Variants in UBLCP1 observed in about 807,000 individuals in gnomAD.
UBLCP1 encodes the protein ubiquitin like domain containing CTD phosphatase 1.
Under a neutral mutation model 42.4 loss-of-function variants are expected in UBLCP1, and 28 were observed. The observed-to-expected ratio is 0.66, with a 90% CI of 0.49 to 0.90. UBLCP1 has a LOEUF of 0.90. Ranked by LOEUF, UBLCP1 falls within the 40% of genes least tolerant of loss-of-function variation. The pLI is 0.00. For missense variants in UBLCP1, 279 were observed against 374.5 expected (o/e 0.75, Z 2.10); for synonymous variants, 122 against 120.8 (o/e 1.01, Z -0.07).
At chr5:159,282,798 T>A (rs1034872418) in intron 9 of UBLCP1, among the ~76,000 whole-genome samples, 2 of 152,032 alleles carry the variant, frequency 1.3e-5, no homozygotes, top group Admixed American at 1.3e-4. Context: ...AAAATAAAAA[T>A]CATCGTTAAA....
rs1753564547 is a variant in UBLCP1, at chr5:159,278,440, T to C, written c.801+86T>C. 1.9e-5 allele frequency: 18 copies of C among 925,178 alleles called. 1 individual carries two copies. In the South Asian group the frequency reaches 2.3e-4, roughly 12 times the overall value. 57.3% of individuals were successfully genotyped at this position (925,178 alleles called of 1,614,324 possible). ...GTAGTAAGCACTGTTGAATTTCATA[T>C]ATTTTTGGAAGTACTGTATTCTTAT... On this transcript the variant is annotated intron_variant, in intron 9 of 10. Transcript: ENST00000296786.
rs70987962 is a variant in UBLCP1 at position 159,285,196 on chromosome 5, CCACACA to C, written c.*308_*313del. ...GGTTACTGACCACCCCACCCTCCCA[CCACACA>C]CACACACACACACACACACACACAC... is the stretch of plus-strand genomic sequence containing the variant. On this transcript the variant is annotated 3_prime_UTR_variant, in exon 11 of 11. Coordinates refer to ENST00000296786, the MANE Select transcript of UBLCP1 (RefSeq NM_145049.5). 9.2e-3 allele frequency: 2,327 copies of C among 251,940 alleles called. 56 individuals carry two copies. The highest frequency in any genetic ancestry group is 0.052 in the African/African-American group (1,612 of 30,738). The allele number at this position is 251,940 out of a possible 1,614,324, so 15.6% of individuals were successfully genotyped here.
intron 5 of UBLCP1, among the ~76,000 whole-genome samples, chr5:159,271,335 A>T (rs1322971058): frequency 6.6e-6 from 1 of 151,966 alleles, no homozygotes; most frequent in African/African-American, 2.4e-5. Flanking sequence ...GGTGGTATGC[A>T]CCTAGTCCCA....
chr5:159,275,438 A>C (rs935076394), intron 8 of UBLCP1, 192 bp downstream of exon 8: 19 of 325,862 alleles, frequency 5.8e-5, no homozygotes, highest in Non-Finnish European at 9.2e-5. Flanking sequence ...TTTGAGATGG[A>C]GTCTCATTGT....
At position 159,283,270 on chromosome 5, in the gene UBLCP1, T is replaced by G; in HGVS notation, c.860T>G (p.Leu287Ter). The stretch of plus-strand genomic sequence containing the variant: ...GATAAAGACAAAGAACTTTTAAAAT[T>G]AACTCAGTACCTCAAGGAGATAGCA... ...NRDKDKELLK[L>*]TQYLKEIAKL... Residue 287 changes from leucine to a stop codon, truncating the protein, a stop_gained, in exon 10 of 11, where the codon TTA (leucine) becomes TGA (stop). Transcript: ENST00000296786. LOFTEE classifies it high-confidence loss of function. 6.2e-7 allele frequency: 1 copy of G among 1,607,298 alleles called. No homozygotes were observed. The highest frequency in any genetic ancestry group is 8.5e-7 in the Non-Finnish European group (1 of 1,177,332).
chr5:159,268,801 A>G, intron 1 of UBLCP1, 69 bp from the exon 2 acceptor site: 1 of 1,211,780 alleles, frequency 8.3e-7, no homozygotes, highest in Non-Finnish European at 1.1e-6. Context: ...CTGTACACAT[A>G]AAACTTAAAA....
At position 159,263,307 on chromosome 5, in the gene UBLCP1, G is replaced by C. The variant is rs977621140; in HGVS notation, c.-100G>C. 1.1e-4 allele frequency: 17 copies of C among 152,372 alleles called. No individual in the cohort carries two copies. Among genetic ancestry groups the C allele is most frequent in the African/African-American group, 4.1e-4 (17 of 41,464 alleles). The allele number at this position is 152,372 out of a possible 1,614,324, so 9.4% of individuals were successfully genotyped here. A position where few individuals can be genotyped will look rare whatever the true frequency, so the allele number is the denominator to read the frequency against. On this transcript the variant is annotated 5_prime_UTR_variant, in exon 1 of 11. Transcript: ENST00000296786. ...CGCCCTTCACTTCCGGTCGCTTTCG[G>C]TCTCTCAGCGGCCGGTTTCTGCGTC... is the stretch of plus-strand genomic sequence containing the variant.
At chr5:159,272,261 C>A in intron 6 of UBLCP1, 140 bp downstream of exon 6, 1 of 648,922 alleles carries the variant, frequency 1.5e-6, no homozygotes, top group South Asian at 2.1e-5. Context: ...TAAAATGAAG[C>A]ATGTATCACA....
chr5:159,275,064 T>C, intron 7 of UBLCP1, 84 bp from the exon 8 acceptor site: 1 of 1,186,694 alleles, frequency 8.4e-7, no homozygotes, highest in Admixed American at 1.8e-5. Flanking sequence ...GTTGGCATTA[T>C]GAGAAATTGC....
intron 1 of UBLCP1, among the ~76,000 whole-genome samples, chr5:159,268,481 T>G (rs1466848425): frequency 6.6e-6 from 1 of 152,232 alleles, no homozygotes; most frequent in Non-Finnish European, 1.5e-5. Flanking sequence ...CCAGGTCATC[T>G]GGCTCTAGAA....
At chr5:159,277,489 A>G (rs1753553624) in intron 8 of UBLCP1, among the ~76,000 whole-genome samples, 1 of 152,180 alleles carries the variant, frequency 6.6e-6, no homozygotes, top group Non-Finnish European at 1.5e-5. Flanking sequence ...TGAATGTGTA[A>G]TACATTTGCA....
rs1350346190 is a variant in UBLCP1, at chr5:159,285,231, CACACACACACACAAA to C, written c.*301_*315del. ...ACACACACACACACACACACACACACACACACACACACAAAGTGGAGAAAAATGTATACTCAACAA... is the reference window on the plus strand; with the variant it reads ...ACACACACACACACACACACACACACGTGGAGAAAAATGTATACTCAACAA... On this transcript the variant is annotated 3_prime_UTR_variant, in exon 11 of 11. Coordinates refer to ENST00000296786, the MANE Select transcript of UBLCP1 (RefSeq NM_145049.5). 2.7e-5 allele frequency: 7 copies of C among 257,900 alleles called. No homozygotes were observed. Among genetic ancestry groups the C allele is most frequent in the Non-Finnish European group, 2.9e-5 (4 of 138,876 alleles). 16.0% of individuals were successfully genotyped at this position (257,900 alleles called of 1,614,324 possible). A position where few individuals can be genotyped will look rare whatever the true frequency, so the allele number is the denominator to read the frequency against.
chr5:159,275,014 C>T, intron 7 of UBLCP1, 134 bp from the exon 8 acceptor site: 1 of 715,682 alleles, frequency 1.4e-6, no homozygotes. Context: ...AAAATACTTC[C>T]TAGTTGTTTA....
At chr5:159,282,737 T>G (rs1452777928) in intron 9 of UBLCP1, among the ~76,000 whole-genome samples, 1 of 152,092 alleles carries the variant, frequency 6.6e-6, no homozygotes, top group Non-Finnish European at 1.5e-5. Flanking sequence ...GGAAACAGGT[T>G]ATATAAATGT....
At chr5:159,271,412 G>C (rs997051806) in intron 5 of UBLCP1, among the ~76,000 whole-genome samples, 1 of 152,002 alleles carries the variant, frequency 6.6e-6, no homozygotes, top group African/African-American at 2.4e-5. Context: ...GAGCTATGGA[G>C]TGCCACTGCA....
intron 1 of UBLCP1, among the ~76,000 whole-genome samples, chr5:159,268,045 G>A (rs113133683): frequency 5.9e-5 from 9 of 151,506 alleles, no homozygotes; most frequent in African/African-American, 1.9e-4. Flanking sequence ...CAGAAGACCT[G>A]TTCTGTAACT....
chr5:159,269,535 G>A (rs1254690590), intron 2 of UBLCP1, among the ~76,000 whole-genome samples: 2 of 152,124 alleles, frequency 1.3e-5, no homozygotes, highest in Non-Finnish European at 2.9e-5. Context: ...TTATCATATT[G>A]AAGAGTGAGT....
At chr5:159,277,473 AT>A (rs1392432551) in intron 8 of UBLCP1, among the ~76,000 whole-genome samples, 3 of 152,130 alleles carry the variant, frequency 2.0e-5, no homozygotes, top group Non-Finnish European at 4.4e-5. Context: ...AATTTAAAAA[AT>A]TTTCTGAATG....
chr5:159,271,220 G>A (rs1018284574), intron 5 of UBLCP1, among the ~76,000 whole-genome samples: 4 of 152,094 alleles, frequency 2.6e-5, no homozygotes, highest in African/African-American at 9.7e-5. Context: ...TGGCACTTTG[G>A]AAGGCTGAGG....
Sources: allele counts gnomAD v4.1 joint callset (sites outside exome capture counted in the v4.1 genomes callset), GRCh38; gene constraint gnomAD v4.1.1; transcripts MANE v1.5; gene names NCBI Gene and HGNC (gene_info 2026-07-23, HGNC 2026-07-21).